The following TUBA1C variants were observed in gnomAD, a reference collection of about 807,000 sequenced individuals.
TUBA1C encodes tubulin alpha-1C chain.
A neutral mutation model predicts 34.9 loss-of-function variants in TUBA1C; 16 were observed. The ratio of observed to expected loss-of-function variants is 0.46; its 90% CI spans 0.31 to 0.70. The LOEUF is 0.70. Among genes scored for constraint, TUBA1C ranks in the 30% least tolerant of loss-of-function variants. TUBA1C has a pLI of 0.05. For missense variants in TUBA1C, 329 were observed against 587.3 expected (o/e 0.56, Z 4.55); for synonymous variants, 177 against 215.9 (o/e 0.82, Z 1.58).
chr12:49,245,344 T>C (rs1411465710), intron 1 of TUBA1C, among the ~76,000 whole-genome samples: 1 of 152,212 alleles, frequency 6.6e-6, no homozygotes, highest in Non-Finnish European at 1.5e-5. Flanking sequence ...CTCACACCTG[T>C]AATCCCAGCA....
chr12:49,236,781 G>GTACTGAA (rs1302773499), intron 1 of TUBA1C, among the ~76,000 whole-genome samples: 2 of 152,136 alleles, frequency 1.3e-5, no homozygotes, highest in Non-Finnish European at 2.9e-5. Context: ...GCATGTAACT[G>GTACTGAA]TACTGAATAC....
At chr12:49,256,697 A>G (rs1003232392) in intron 1 of TUBA1C, among the ~76,000 whole-genome samples, 1 of 152,226 alleles carries the variant, frequency 6.6e-6, no homozygotes, top group Admixed American at 6.5e-5. Flanking sequence ...CAAAAACAGC[A>G]AAGTGTTGTA....
rs143950344 is a variant in TUBA1C at position 49,269,931 on chromosome 12, T to C, written c.330T>C (p.Ile110=). Residue 110 remains isoleucine, a synonymous_variant, in exon 3 of 4, where the codon ATT becomes ATC. Transcript: ENST00000301072. The stretch of plus-strand genomic sequence containing the variant: ...ACTATGCCCGAGGGCACTACACCAT[T>C]GGCAAGGAGATCATTGACCTCGTGT... The part of the protein sequence containing the change: ...ANNYARGHYT[I]GKEIIDLVLD... The C allele has an allele frequency of 7.1e-5, 115 of 1,614,212 alleles. No homozygotes were observed. The Middle Eastern group carries it at 1.2e-3, about 16-fold the overall frequency.
chr12:49,257,203 A>G (rs970304824), intron 1 of TUBA1C, among the ~76,000 whole-genome samples: 1 of 151,622 alleles, frequency 6.6e-6, no homozygotes, highest in South Asian at 2.1e-4. Flanking sequence ...CTTAAAGCCA[A>G]CCTCCTGAGG....
At chr12:49,246,831 C>G (rs1163200811) in intron 1 of TUBA1C, among the ~76,000 whole-genome samples, 1 of 151,842 alleles carries the variant, frequency 6.6e-6, no homozygotes, top group Non-Finnish European at 1.5e-5. Context: ...GGGGGCAACC[C>G]CTAGGAAGCC....
chr12:49,264,796 G>GCCCTTCCTTCCTC (rs1565647656), upstream of TUBA1C: 1 of 128,220 alleles, frequency 7.8e-6, no homozygotes, highest in African/African-American at 3.3e-5. Flanking sequence ...AGCCCTTCCT[G>GCCCTTCCTTCCTC]CCCTTCCTCC....
At chr12:49,268,105 C>G (rs1942939706) in intron 1 of TUBA1C, among the ~76,000 whole-genome samples, 1 of 151,936 alleles carries the variant, frequency 6.6e-6, no homozygotes, top group African/African-American at 2.4e-5. Context: ...GAGACACACA[C>G]ACACAGACAC....
chr12:49,267,292 T>C (rs772091065), intron 1 of TUBA1C, among the ~76,000 whole-genome samples: 58 of 152,360 alleles, frequency 3.8e-4, no homozygotes, highest in Non-Finnish European at 7.3e-4. Flanking sequence ...TCCTTGGGCC[T>C]GGGGGCCATC....
intron 1 of TUBA1C, among the ~76,000 whole-genome samples, chr12:49,257,713 A>C (rs1051938352): frequency 1.3e-5 from 2 of 151,940 alleles, no homozygotes; most frequent in African/African-American, 4.8e-5. Context: ...CAGGAAGTTG[A>C]GGCTGCAGTG....
intron 1 of TUBA1C, among the ~76,000 whole-genome samples, chr12:49,232,232 C>A (rs1278831292): frequency 1.3e-5 from 2 of 152,208 alleles, no homozygotes; most frequent in Non-Finnish European, 2.9e-5. Context: ...AATGAAGCAA[C>A]CTCATTTTTG....
chr12:49,260,396 A>G (rs545189960), upstream of TUBA1C, among the ~76,000 whole-genome samples: 20 of 152,300 alleles, frequency 1.3e-4, no homozygotes, highest in South Asian at 3.5e-3. Flanking sequence ...GCCAAATCTC[A>G]GTGGAAAGAA....
intron 1 of TUBA1C, among the ~76,000 whole-genome samples, chr12:49,258,767 T>G (rs1942812669): frequency 6.6e-6 from 1 of 151,698 alleles, no homozygotes; most frequent in Non-Finnish European, 1.5e-5. Context: ...GAAATTTTTT[T>G]TTTTTTGAGA....
chr12:49,269,479 C>T lies in TUBA1C; in HGVS notation c.18C>T (p.Ser6=), dbSNP rs1942959147. Residue 6 remains serine (S), a synonymous_variant, in exon 2 of 4, where the codon TCC becomes TCT. Coordinates refer to ENST00000301072, the MANE Select transcript of TUBA1C (RefSeq NM_032704.5). The stretch of plus-strand genomic sequence containing the variant: ...TCCTCCCACAGCGTGAGTGCATCTC[C>T]ATCCACGTTGGCCAGGCTGGTGTCC... MRECI[S]IHVGQAGVQI... is the part of the protein sequence containing the mutation. The T allele has an allele frequency of 6.2e-7, 1 of 1,614,214 alleles. No individual in the cohort carries two copies. The highest frequency in any genetic ancestry group is 1.1e-5 in the South Asian group (1 of 91,088).
At chr12:49,253,245 G>C (rs1390654712) in intron 1 of TUBA1C, among the ~76,000 whole-genome samples, 1 of 152,122 alleles carries the variant, frequency 6.6e-6, no homozygotes, top group Non-Finnish European at 1.5e-5. Context: ...TGCAGGCATG[G>C]AGTAGGCAGA....
intron 3 of TUBA1C, among the ~76,000 whole-genome samples, chr12:49,270,755 C>T (rs1250355618): frequency 2.0e-5 from 3 of 152,056 alleles, no homozygotes; most frequent in Admixed American, 6.6e-5. Context: ...CCAAGGTGGG[C>T]GGATCATGAG....
chr12:49,249,240 C>G (rs1471869760), intron 1 of TUBA1C, among the ~76,000 whole-genome samples: 1 of 151,954 alleles, frequency 6.6e-6, no homozygotes, highest in South Asian at 2.1e-4. Flanking sequence ...CCAGCCTGAC[C>G]AACATAGACA....
chr12:49,249,847 G>C (rs1942714375), intron 1 of TUBA1C, among the ~76,000 whole-genome samples: 1 of 151,822 alleles, frequency 6.6e-6, no homozygotes, highest in Non-Finnish European at 1.5e-5. Flanking sequence ...GCAGGCAATA[G>C]AGCAAAACAT....
chr12:49,241,935 C>A (rs535499682), intron 1 of TUBA1C, among the ~76,000 whole-genome samples: 73 of 152,070 alleles, frequency 4.8e-4, no homozygotes, highest in Admixed American at 1.4e-3. Flanking sequence ...CAGGTGTGAG[C>A]CACTGTGCCC....
upstream of TUBA1C, among the ~76,000 whole-genome samples, chr12:49,261,233 A>C (rs1489512395): frequency 6.6e-6 from 1 of 152,144 alleles, no homozygotes; most frequent in African/African-American, 2.4e-5. Context: ...CCGTCTCAAA[A>C]AAAAAAAAAT....
Sources: allele counts gnomAD v4.1 joint callset (sites outside exome capture counted in the v4.1 genomes callset), GRCh38; gene constraint gnomAD v4.1.1; transcripts MANE v1.5; gene names NCBI Gene and HGNC (gene_info 2026-07-23, HGNC 2026-07-21).